The following GNAQ variants were observed in gnomAD, a reference collection of about 807,000 sequenced individuals.
The protein encoded by GNAQ is G protein subunit alpha q, also known as guanine nucleotide-binding protein G(q) subunit alpha.
Under a neutral mutation model 43.9 loss-of-function variants are expected in GNAQ, and 8 were observed. That is an observed-to-expected ratio of 0.18 (90% CI 0.11 to 0.33). The LOEUF (loss-of-function observed/expected upper bound fraction) is 0.33. Among genes scored for constraint, GNAQ ranks in the 10% least tolerant of loss-of-function variants. The pLI, the probability that GNAQ is intolerant of heterozygous loss-of-function variation, is 1.00. For synonymous variants in GNAQ, 155 were observed against 170.7 expected (o/e 0.91, Z 0.71); for missense variants, 158 against 450.8 (o/e 0.35, Z 5.88).
intron 2 of GNAQ, among the ~76,000 whole-genome samples, chr9:77,882,471 G>T (rs1828230331): frequency 6.6e-6 from 1 of 152,184 alleles, no homozygotes; most frequent in East Asian, 1.9e-4. Flanking sequence ...AGGTTTTCAA[G>T]AATTTCACCG....
intron 1 of GNAQ, among the ~76,000 whole-genome samples, chr9:77,961,280 G>A (rs192924222): frequency 6.6e-6 from 1 of 152,188 alleles, no homozygotes; most frequent in East Asian, 1.9e-4. Context: ...ATAACCACAC[G>A]GCTTCAGTTT....
intron 1 of GNAQ, among the ~76,000 whole-genome samples, chr9:77,996,613 G>A (rs1433661600): frequency 6.8e-6 from 1 of 146,550 alleles, no homozygotes; most frequent in African/African-American, 2.5e-5. Flanking sequence ...GGGAGGTGGA[G>A]CTTGCAGTGA....
chr9:77,800,340 T>C (rs529380220), intron 3 of GNAQ, among the ~76,000 whole-genome samples: 156 of 152,004 alleles, frequency 1.0e-3, no homozygotes, highest in African/African-American at 3.7e-3. Flanking sequence ...CCAACAATGA[T>C]AGACTGGATT....
chr9:77,745,488 G>C (rs2118273740), intron 5 of GNAQ, among the ~76,000 whole-genome samples: 1 of 151,850 alleles, frequency 6.6e-6, no homozygotes, highest in Middle Eastern at 3.4e-3. Context: ...AAAATCCTCA[G>C]ATCTTTCTGA....
At chr9:77,979,080 G>A (rs1223044146) in intron 1 of GNAQ, among the ~76,000 whole-genome samples, 1 of 151,980 alleles carries the variant, frequency 6.6e-6, no homozygotes, top group African/African-American at 2.4e-5. Context: ...AAATTCGGCT[G>A]GGTGGTGGCT....
chr9:77,832,157 T>C (rs937595066), intron 2 of GNAQ, among the ~76,000 whole-genome samples: 1 of 151,918 alleles, frequency 6.6e-6, no homozygotes, highest in Non-Finnish European at 1.5e-5. Context: ...CATACAACTC[T>C]TCTACACAAT....
At chr9:77,846,675 C>T (rs1039145691) in intron 2 of GNAQ, among the ~76,000 whole-genome samples, 4 of 152,136 alleles carry the variant, frequency 2.6e-5, no homozygotes, top group Non-Finnish European at 5.9e-5. Context: ...GAGTGAAGCA[C>T]GTCCCTTTTA....
chr9:77,776,041 TG>T (rs1266771885), intron 5 of GNAQ, among the ~76,000 whole-genome samples: 1 of 152,228 alleles, frequency 6.6e-6, no homozygotes, highest in East Asian at 1.9e-4. Flanking sequence ...TGGCAAAAAT[TG>T]TCAATATCAA....
intron 1 of GNAQ, among the ~76,000 whole-genome samples, chr9:78,020,325 G>GA (rs997034765): frequency 2.5e-4 from 37 of 150,388 alleles, no homozygotes; most frequent in Admixed American, 5.3e-4. Context: ...ACAGCTGACA[G>GA]AAAAAAAAAC....
At chr9:77,934,117 C>T (rs970594455) in intron 1 of GNAQ, among the ~76,000 whole-genome samples, 7 of 152,122 alleles carry the variant, frequency 4.6e-5, no homozygotes, top group African/African-American at 1.7e-4. Flanking sequence ...GGCAGAGGTG[C>T]GGCACAGAAA....
Position 77,878,376 on chromosome 9 carries a change from A to AT in GNAQ, c.321+43784dup, listed in dbSNP as rs987748402. ...TGAATTCAAAATAGCCAAGGTTTAC[A>AT]TGACACCTCTGTGCCTTACAAATCT... On this transcript the variant is annotated intron_variant, in intron 2 of 6. Transcript: ENST00000286548. 5.6e-4 allele frequency among the ~76,000 whole-genome samples: 85 copies of AT among 152,274 alleles called. No homozygotes were observed. The Middle Eastern group carries it at 0.02, about 37-fold the overall frequency.
At chr9:77,909,390 T>TA (rs1828762003) in intron 2 of GNAQ, among the ~76,000 whole-genome samples, 1 of 152,148 alleles carries the variant, frequency 6.6e-6, no homozygotes, top group Non-Finnish European at 1.5e-5. Context: ...GCTAGTGCCT[T>TA]AGAGAATGCA....
intron 2 of GNAQ, among the ~76,000 whole-genome samples, chr9:77,826,192 T>C (rs965640434): frequency 1.3e-5 from 2 of 152,154 alleles, no homozygotes; most frequent in Admixed American, 6.5e-5. Context: ...TGTTCTATAA[T>C]GCAAAAACAA....
intron 2 of GNAQ, among the ~76,000 whole-genome samples, chr9:77,856,177 C>G (rs1041669823): frequency 5.3e-5 from 8 of 152,066 alleles, no homozygotes; most frequent in African/African-American, 1.9e-4. Context: ...GGGGTACAGG[C>G]TGATTTATGG....
chr9:77,950,386 T>C (rs541436277), intron 1 of GNAQ, among the ~76,000 whole-genome samples: 1 of 152,310 alleles, frequency 6.6e-6, no homozygotes, highest in East Asian at 1.9e-4. Flanking sequence ...GAAAACAGGT[T>C]ACAACACATT....
At chr9:77,760,753 G>A (rs547011983) in intron 5 of GNAQ, among the ~76,000 whole-genome samples, 1 of 151,254 alleles carries the variant, frequency 6.6e-6, no homozygotes, top group Non-Finnish European at 1.5e-5. Context: ...ATCCCATCTA[G>A]GAAGTGAGGA....
chr9:77,987,856 C>G (rs1268729637), intron 1 of GNAQ, among the ~76,000 whole-genome samples: 1 of 151,988 alleles, frequency 6.6e-6, no homozygotes, highest in Non-Finnish European at 1.5e-5. Context: ...CACAGTGAGA[C>G]CCCCATCTCT....
At position 77,721,094 on chromosome 9, in the gene GNAQ, GAT is replaced by G. The variant is rs1191869235; in HGVS notation, c.*227_*228del. On this transcript the variant is annotated 3_prime_UTR_variant, in exon 7 of 7. Transcript: ENST00000286548. ...GTCACAAGGTTTTGCCTAAAAAAAA[GAT>G]AGAGAGGAAATGTGCTGGGACTGTA... 2.5e-6 allele frequency: 1 copy of G among 399,764 alleles called. No homozygotes were observed. Among genetic ancestry groups the G allele is most frequent in the African/African-American group, 2.1e-5 (1 of 48,502 alleles). The allele number at this position is 399,764 out of a possible 1,614,324, so 24.8% of individuals were successfully genotyped here. A position where few individuals can be genotyped will look rare whatever the true frequency, so the allele number is the denominator to read the frequency against.
chr9:77,731,855 C>G (rs1825494890), intron 5 of GNAQ, among the ~76,000 whole-genome samples: 1 of 152,326 alleles, frequency 6.6e-6, no homozygotes, highest in Admixed American at 6.5e-5. Context: ...TCAAAACATA[C>G]AGCCGAGAGT....
Sources: gnomAD v4.1 joint callset for allele counts (sites outside exome capture counted in the v4.1 genomes callset) on GRCh38, gnomAD v4.1.1 for gene constraint, MANE v1.5 for transcripts, NCBI Gene and HGNC (gene_info 2026-07-23, HGNC 2026-07-21) for gene names.